CFTR: variants seen among roughly 807,000 people sequenced by gnomAD.
CFTR encodes cystic fibrosis transmembrane conductance regulator.
In CFTR, 181 loss-of-function variants were observed where a neutral mutation model predicts 171.6. That is an observed-to-expected ratio of 1.05 (90% CI 0.93 to 1.19). CFTR has a LOEUF of 1.19. Ranked by LOEUF, CFTR falls within the 50% of genes most tolerant of loss-of-function variation. The pLI, the probability that CFTR is intolerant of heterozygous loss-of-function variation, is 0.00. For synonymous variants in CFTR, 583 were observed against 608.0 expected (o/e 0.96, Z 0.60); for missense variants, 1,968 against 1,734.7 (o/e 1.13, Z -2.39).
At chr7:117,592,813 C>A (rs776413046) in intron 14 of CFTR, among the ~76,000 whole-genome samples, 156 bp downstream of exon 14, 1 of 152,218 alleles carries the variant, frequency 6.6e-6, no homozygotes, top group Middle Eastern at 3.4e-3. Context: ...ATACAAGCAA[C>A]GTTAAAATGT....
intron 1 of CFTR, among the ~76,000 whole-genome samples, chr7:117,487,394 G>T (rs1798091497): frequency 6.6e-6 from 1 of 152,052 alleles, no homozygotes; most frequent in Non-Finnish European, 1.5e-5. Flanking sequence ...TATATAACCT[G>T]CTAACTGATG....
Position 117,480,068 on chromosome 7 carries a change from A to AG in CFTR, c.-26dup. ...TAGGAGCTTGAGCCCAGACGGCCCTAGCAGGGACCCCAGCGCCCGAGAGAC... is the reference window on the plus strand; with the variant it reads ...TAGGAGCTTGAGCCCAGACGGCCCTAGGCAGGGACCCCAGCGCCCGAGAGAC... On this transcript the variant is annotated 5_prime_UTR_variant, in exon 1 of 27. Transcript: ENST00000003084. 7 of 1,613,276 alleles carry AG rather than the reference A, an allele frequency of 4.3e-6. No homozygotes were observed. Among genetic ancestry groups the AG allele is most frequent in the Non-Finnish European group, 5.9e-6 (7 of 1,179,368 alleles).
At chr7:117,629,649 G>C (rs766526741) in intron 22 of CFTR, among the ~76,000 whole-genome samples, 1 of 152,124 alleles carries the variant, frequency 6.6e-6, no homozygotes, top group East Asian at 1.9e-4. Context: ...TTCTTAGAAG[G>C]CCGGATAACA....
intron 14 of CFTR, among the ~76,000 whole-genome samples, chr7:117,593,167 G>A (rs1477181293): frequency 6.6e-6 from 1 of 152,050 alleles, no homozygotes; most frequent in Non-Finnish European, 1.5e-5. Context: ...TATCTTGTGA[G>A]TTTGCTTTAT....
intron 10 of CFTR, among the ~76,000 whole-genome samples, chr7:117,549,773 T>C (rs1442448196): frequency 6.9e-6 from 1 of 144,176 alleles, no homozygotes; most frequent in African/African-American, 2.6e-5. Flanking sequence ...TACCGAATAA[T>C]CTAAGACAAA....
At chr7:117,583,205 C>A (rs1171654252) in intron 11 of CFTR, among the ~76,000 whole-genome samples, 1 of 151,952 alleles carries the variant, frequency 6.6e-6, no homozygotes, top group Non-Finnish European at 1.5e-5. Context: ...AGTTTTTGGG[C>A]TACAGGTGGT....
chr7:117,651,070 A>C (rs1793082455), intron 23 of CFTR, among the ~76,000 whole-genome samples: 1 of 152,174 alleles, frequency 6.6e-6, no homozygotes, highest in Non-Finnish European at 1.5e-5. Context: ...CATGAGGTTG[A>C]CATGAAGATT....
chr7:117,596,718 A>G (rs557887794), intron 15 of CFTR, among the ~76,000 whole-genome samples: 1 of 152,316 alleles, frequency 6.6e-6, no homozygotes, highest in Non-Finnish European at 1.5e-5. Context: ...TGCACCAATC[A>G]GCACTCTGTA....
rs944018126 is a variant in CFTR at position 117,563,469 on chromosome 7, C to A, written c.1584+3814C>A. On this transcript the variant is annotated intron_variant, in intron 11 of 26. Coordinates refer to ENST00000003084, the MANE Select transcript of CFTR (RefSeq NM_000492.4). ...TGTTTGCATCCATCAGACAAGGCAT[C>A]AGGAAAAATGATCCTTCAGGAAAGA... Among the ~76,000 whole-genome samples the A allele has an allele frequency of 3.3e-4, 50 of 151,976 alleles. 1 individual carries two copies. Among genetic ancestry groups the A allele is most frequent in the Admixed American group, 3.0e-3 (46 of 15,238 alleles).
At chr7:117,521,819 G>C (rs547915548) in intron 3 of CFTR, among the ~76,000 whole-genome samples, 60 of 152,222 alleles carry the variant, frequency 3.9e-4, no homozygotes, top group African/African-American at 1.3e-3. Flanking sequence ...TTACAAGCAT[G>C]AGTTCAGGTT....
chr7:117,556,585 T>A (rs1799362490), intron 10 of CFTR, among the ~76,000 whole-genome samples: 1 of 134,180 alleles, frequency 7.5e-6, no homozygotes, highest in African/African-American at 2.8e-5. Flanking sequence ...AGTGGCGGGA[T>A]CTCGGCTCAC....
At chr7:117,489,803 G>A (rs1007079130) in intron 1 of CFTR, among the ~76,000 whole-genome samples, 3 of 151,762 alleles carry the variant, frequency 2.0e-5, no homozygotes, top group African/African-American at 7.3e-5. Context: ...TCCTACATTT[G>A]AGAATGTGTG....
intron 1 of CFTR, chr7:117,487,916 T>C (rs1158776109): frequency 6.6e-6 from 1 of 152,098 alleles, no homozygotes; most frequent in Non-Finnish European, 1.5e-5. Context: ...GACAAGAAAA[T>C]GAAGCCTATG....
intron 3 of CFTR, among the ~76,000 whole-genome samples, chr7:117,511,101 T>TG (rs1798510731): frequency 6.6e-6 from 1 of 152,170 alleles, no homozygotes; most frequent in Admixed American, 6.5e-5. Context: ...ATGGTGACTC[T>TG]AGTAACCAGC....
Position 117,504,326 on chromosome 7 carries a change from G to C in CFTR, c.127G>C (p.Val43Leu), listed in dbSNP as rs370586917. The C allele has an allele frequency of 6.2e-7, 1 of 1,609,380 alleles. No individual in the cohort carries two copies. Among genetic ancestry groups the C allele is most frequent in the South Asian group, 1.1e-5 (1 of 90,980 alleles). The change falls in exon 2 of 27, where the codon GTT (valine) becomes CTT (leucine). Residue 43 changes from valine to leucine, a missense_variant. By Grantham distance (32) the Val-to-Leu change is conservative. Transcript: ENST00000003084. ...ELSDIYQIPS[V>L]DSADNLSEKL... ...GTCAGACATATACCAAATCCCTTCT[G>C]TTGATTCTGCTGACAATCTATCTGA...
At chr7:117,570,840 T>A (rs1186811842) in intron 11 of CFTR, among the ~76,000 whole-genome samples, 1 of 152,216 alleles carries the variant, frequency 6.6e-6, no homozygotes, top group Non-Finnish European at 1.5e-5. Context: ...TACCAAAGAT[T>A]AGTGAACTAA....
At chr7:117,584,725 T>C (rs1791904156) in intron 11 of CFTR, among the ~76,000 whole-genome samples, 1 of 152,124 alleles carries the variant, frequency 6.6e-6, no homozygotes, top group Non-Finnish European at 1.5e-5. Flanking sequence ...GATATTTTGA[T>C]GGGAATTGTA....
In CFTR at chr7:117,530,974, C is replaced by A. The variant is rs77834169; in HGVS notation, c.349C>A (p.Arg117Ser). 5 of 1,613,696 alleles carry A rather than the reference C, an allele frequency of 3.1e-6. No homozygotes were observed. In the East Asian group the frequency reaches 6.7e-5, roughly 22 times the overall value. ...ASYDPDNKEE[R>S]SIAIYLGIGL... Reference sequence around the variant, plus strand: ...CTATGACCCGGATAACAAGGAGGAACGCTCTATCGCGATTTATCTAGGCAT... The same window carrying A: ...CTATGACCCGGATAACAAGGAGGAAAGCTCTATCGCGATTTATCTAGGCAT... Residue 117 changes from arginine (R) to serine (S), a missense_variant, in exon 4 of 27, where the codon CGC becomes AGC. Physicochemically the swap from Arg to Ser is moderately radical, Grantham distance 110. Coordinates refer to ENST00000003084, the MANE Select transcript of CFTR (RefSeq NM_000492.4).
rs213953 is a variant in CFTR, at chr7:117,578,521, G to A, written c.1585-9218G>A. Among the ~76,000 whole-genome samples, 83,019 of 151,932 alleles carry A rather than the reference G, an allele frequency of 0.55. 25,350 individuals carry two copies. Among genetic ancestry groups the A allele is most frequent in the African/African-American group, 0.83 (34,593 of 41,456 alleles). On this transcript the variant is annotated intron_variant, in intron 11 of 26. Transcript: ENST00000003084. ...TCTGGTAGTTACAAGTTATATGTGG[G>A]TGTTCGACTGCATGGGGAGTCAGCA...
Sources: gnomAD v4.1 joint callset for allele counts (sites outside exome capture counted in the v4.1 genomes callset) on GRCh38, gnomAD v4.1.1 for gene constraint, MANE v1.5 for transcripts, NCBI Gene and HGNC (gene_info 2026-07-23, HGNC 2026-07-21) for gene names.